CCP110: variants seen among roughly 807,000 people sequenced by gnomAD.
CCP110 encodes centriolar coiled-coil protein of 110 kDa.
A neutral mutation model predicts 105.5 loss-of-function variants in CCP110; 43 were observed. That is an observed-to-expected ratio of 0.41 (90% CI 0.32 to 0.53). The LOEUF (loss-of-function observed/expected upper bound fraction) is 0.53, where lower values mean the gene tolerates loss of function less well. CCP110 is among the 20% of genes least tolerant of loss of function. CCP110 has a pLI of 0.32. For synonymous variants in CCP110, 353 were observed against 392.1 expected, an observed-to-expected ratio of 0.90 and a Z score of 1.18; for missense variants, 1,016 against 1,189.1, an observed-to-expected ratio of 0.85 and a Z score of 2.14.
At chr16:19,537,364 C>A in exon 4 of CCP110, 1 of 1,610,738 alleles carries the variant, frequency 6.2e-7, no homozygotes. Context: ...AGCAGATGGA[C>A]ACACCTATGG....
chr16:19,550,862 G>C (rs184246309), intron 14 of CCP110, among the ~76,000 whole-genome samples: 141 of 152,280 alleles, frequency 9.3e-4, no homozygotes, highest in South Asian at 4.6e-3. Flanking sequence ...TGCTTGACTA[G>C]AGTTTATATA....
Position 19,548,214 on chromosome 16 carries a change from T to C in CCP110, c.2900+200T>C. 6.7e-6 allele frequency: 4 copies of C among 599,042 alleles called. No individual in the cohort carries two copies. Among genetic ancestry groups the C allele is most frequent in the Non-Finnish European group, 1.2e-5 (4 of 337,494 alleles). The allele number at this position is 599,042 out of a possible 1,614,324, so 37.1% of individuals were successfully genotyped here. ...GTGTACTGTTGTGTATTCTAATTACTGTCTTAAGTTGGGATGTTTTTACTT... is the reference window on the plus strand; with the variant it reads ...GTGTACTGTTGTGTATTCTAATTACCGTCTTAAGTTGGGATGTTTTTACTT... On this transcript the variant is annotated intron_variant, in intron 13 of 14. Coordinates refer to ENST00000381396, the Ensembl canonical transcript of CCP110. The surrounding 1 kb of genome is among the most constrained non-coding windows in gnomAD (Gnocchi z 4.1).
intron 4 of CCP110, 24 bp downstream of exon 4, chr16:19,537,611 A>T (rs2151472464): frequency 7.7e-7 from 1 of 1,305,532 alleles, no homozygotes; most frequent in East Asian, 2.3e-5. Flanking sequence ...GAAGCGTTTG[A>T]TACCTTCTAT....
At chr16:19,531,870 G>T (rs1464713123) in intron 2 of CCP110, among the ~76,000 whole-genome samples, 1 of 151,984 alleles carries the variant, frequency 6.6e-6, no homozygotes, top group African/African-American at 2.4e-5. Flanking sequence ...GGAGGCTGAG[G>T]CAGGAGAATC....
At chr16:19,547,173 G>A (rs569172801) in intron 12 of CCP110, 1 of 152,320 alleles carries the variant, frequency 6.6e-6, no homozygotes, top group Non-Finnish European at 1.5e-5. Context: ...CTGGGAGGGT[G>A]AGGTGGGTGG....
At chr16:19,527,839 T>C (rs1179669227) in intron 1 of CCP110, 28 bp from the exon 2 acceptor site, 2 of 1,583,166 alleles carry the variant, frequency 1.3e-6, no homozygotes, top group East Asian at 4.5e-5. Context: ...TCCCAGTACA[T>C]TAAAAATAAC....
At chr16:19,549,426 T>C (rs1364571536) in intron 14 of CCP110, among the ~76,000 whole-genome samples, 1 of 152,216 alleles carries the variant, frequency 6.6e-6, no homozygotes, top group Non-Finnish European at 1.5e-5. Context: ...TATTACTAAG[T>C]GATTTCCTTC....
intron 1 of CCP110, chr16:19,525,492 C>T (rs1043415391): frequency 3.3e-5 from 5 of 152,190 alleles, no homozygotes; most frequent in African/African-American, 7.2e-5. Flanking sequence ...ATAGTGTCCT[C>T]TTGCTTAATC....
intron 3 of CCP110, among the ~76,000 whole-genome samples, chr16:19,534,934 G>A (rs1374643175): frequency 7.0e-6 from 1 of 142,826 alleles, no homozygotes; most frequent in Non-Finnish European, 1.5e-5. Context: ...AGGCCGGAGT[G>A]CAGTGACGTG....
At chr16:19,527,407 A>G (rs1338849038) in intron 1 of CCP110, among the ~76,000 whole-genome samples, 1 of 152,130 alleles carries the variant, frequency 6.6e-6, no homozygotes, top group Non-Finnish European at 1.5e-5. Context: ...CTGAACTTCA[A>G]AATAGAAAAT....
exon 2 of CCP110, chr16:19,527,906 G>A: frequency 6.2e-7 from 1 of 1,613,496 alleles, no homozygotes; most frequent in South Asian, 1.1e-5. Context: ...GAAGTTCTGT[G>A]AAAAAAGTCT....
chr16:19,551,317 C>G (rs1970634011), exon 15 of CCP110: 1 of 1,243,270 alleles, frequency 8.0e-7, no homozygotes, highest in African/African-American at 1.5e-5. Context: ...CTGCCCAAGA[C>G]TTTATTTAAC....
At position 19,545,212 on chromosome 16, in the gene CCP110, T is replaced by C. The variant is rs755182137; in HGVS notation, c.2703+2T>C. 1 of 1,503,146 alleles carries C rather than the reference T, an allele frequency of 6.7e-7. No individual in the cohort carries two copies. The highest frequency in any genetic ancestry group is 2.3e-5 in the East Asian group (1 of 44,238). The allele number at this position is 1,503,146 out of a possible 1,614,324, so 93.1% of individuals were successfully genotyped here. On this transcript the variant is annotated splice_donor_variant, in intron 10 of 14. Coordinates refer to ENST00000381396, the Ensembl canonical transcript of CCP110. LOFTEE classifies it high-confidence loss of function. ...AAAGAGAAAATGCTCAGGCAAATGGTATGTTATATGATTTCTAATGAATAG... is the reference window on the plus strand; with the variant it reads ...AAAGAGAAAATGCTCAGGCAAATGGCATGTTATATGATTTCTAATGAATAG...
chr16:19,536,608 T>C lies in CCP110; in HGVS notation c.939T>C (p.Ser313=), dbSNP rs12446976. 206 of 1,614,032 alleles carry C rather than the reference T, an allele frequency of 1.3e-4. 1 individual carries two copies. In the Admixed American group the frequency reaches 3.3e-3, roughly 26 times the overall value. ...CTTCCACTCAAGCAAGCAGCATGAG[T>C]ATGCCAGTTTTAGCTAGCTTTTCGA... The change falls in exon 4 of 15, where the codon AGT becomes AGC. Residue 313 remains serine, a synonymous_variant. Coordinates refer to ENST00000381396, the Ensembl canonical transcript of CCP110.
intron 2 of CCP110, among the ~76,000 whole-genome samples, chr16:19,528,474 T>C (rs1379651282): frequency 1.3e-5 from 2 of 152,208 alleles, no homozygotes; most frequent in Non-Finnish European, 2.9e-5. Flanking sequence ...GTCTATTTTA[T>C]AAACTCTCAT....
chr16:19,541,942 C>A, exon 6 of CCP110: 4 of 1,607,492 alleles, frequency 2.5e-6, no homozygotes, highest in South Asian at 2.2e-5. Context: ...ACAGCGGAAG[C>A]CTCTGAGTTG....
At chr16:19,525,469 T>C (rs578108013) in intron 1 of CCP110, 6 of 152,206 alleles carry the variant, frequency 3.9e-5, no homozygotes, top group Admixed American at 1.3e-4. Context: ...GTGGTAATTG[T>C]AGTGTGAAAG....
At chr16:19,537,105 C>T (rs778860781) in exon 4 of CCP110, 1 of 1,614,148 alleles carries the variant, frequency 6.2e-7, no homozygotes. Context: ...GGACTTGTTA[C>T]TGTGGAAGGT....
exon 15 of CCP110, chr16:19,551,441 G>A (rs1970639108): frequency 1.5e-5 from 9 of 614,738 alleles, no homozygotes; most frequent in South Asian, 5.8e-5. Context: ...TTAATAATAC[G>A]TTTGGGTGAA....
Sources: gnomAD v4.1 joint callset for allele counts (sites outside exome capture counted in the v4.1 genomes callset) on GRCh38, gnomAD v4.1.1 for gene constraint, Gnocchi (gnomAD v3.1) non-coding constraint, MANE v1.5 for transcripts, NCBI Gene and HGNC (gene_info 2026-07-23, HGNC 2026-07-21) for gene names.